Variants in ZC3H12B observed in about 807,000 individuals in gnomAD.
The protein encoded by ZC3H12B is zinc finger CCCH-type containing 12B.
A neutral mutation model predicts 43.9 loss-of-function variants in ZC3H12B; 7 were observed. That is an observed-to-expected ratio of 0.16 (90% CI 0.09 to 0.30). The LOEUF (loss-of-function observed/expected upper bound fraction) is 0.30, where lower values mean the gene tolerates loss of function less well. Among genes scored for constraint, ZC3H12B ranks in the 10% least tolerant of loss-of-function variants. The probability of loss-of-function intolerance (pLI) is 1.00; values close to 1 mark genes in which losing one functional copy is unlikely to be tolerated. For missense variants in ZC3H12B, 475 were observed against 670.2 expected (o/e 0.71, Z 3.22); for synonymous variants, 222 against 241.7 (o/e 0.92, Z 0.76).
chrX:65,185,484 CTA>C, the ZC3H12B span: 1 of 111,923 alleles, frequency 8.9e-6, no homozygotes, highest in East Asian at 2.8e-4. Flanking sequence ...ACAGTATTTC[CTA>C]TGTCTCTTTA....
the ZC3H12B span, among the ~76,000 whole-genome samples, chrX:65,144,914 C>T: frequency 9.0e-6 from 1 of 111,589 alleles, no homozygotes; most frequent in East Asian, 2.8e-4. Flanking sequence ...GAGAAAGTTC[C>T]ATGCGCTGTT....
intron 2 of ZC3H12B, among the ~76,000 whole-genome samples, chrX:65,388,209 TCTC>T (rs1170316639): frequency 3.6e-5 from 4 of 112,161 alleles, no homozygotes; most frequent in Admixed American, 9.4e-5. Context: ...TTGGGGAACT[TCTC>T]CTGGATAATA....
At chrX:65,448,997 G>GAAAGAAAGAAAGA (rs1179244017) in intron 3 of ZC3H12B, among the ~76,000 whole-genome samples, 2 of 3,339 alleles carry the variant, frequency 6.0e-4, no homozygotes, top group Non-Finnish European at 1.1e-3. Flanking sequence ...AAGAAAGAGA[G>GAAAGAAAGAAAGA]GAAAGAAAGA....
chrX:65,120,822 C>T, the ZC3H12B span, among the ~76,000 whole-genome samples: 1 of 111,480 alleles, frequency 9.0e-6, no homozygotes, highest in Non-Finnish European at 1.9e-5. Flanking sequence ...AGATACGTCT[C>T]ATCAATACCA....
chrX:65,215,411 G>T, the ZC3H12B span, among the ~76,000 whole-genome samples: 1 of 111,429 alleles, frequency 9.0e-6, no homozygotes, highest in Non-Finnish European at 1.9e-5. Context: ...CCATTAGCAT[G>T]TGCTGCTTTA....
At chrX:65,117,368 T>C in the ZC3H12B span, among the ~76,000 whole-genome samples, 6 of 112,037 alleles carry the variant, frequency 5.4e-5, no homozygotes, top group African/African-American at 1.6e-4. Context: ...CTTTTGAGAA[T>C]TGTCTGTTCA....
the ZC3H12B span, among the ~76,000 whole-genome samples, chrX:65,210,820 C>CA: frequency 6.0e-5 from 2 of 33,212 alleles, no homozygotes; most frequent in Non-Finnish European, 9.9e-5. Flanking sequence ...ATCGCAAGAA[C>CA]AAAAAACCAA....
chrX:65,408,188 C>A, intron 3 of ZC3H12B: 7 of 1,201,033 alleles, frequency 5.8e-6, no homozygotes, highest in Non-Finnish European at 7.9e-6. Context: ...ATTCCAGTTC[C>A]TGCAGGCGCA....
chrX:65,150,299 C>T, the ZC3H12B span, among the ~76,000 whole-genome samples: 1 of 111,143 alleles, frequency 9.0e-6, no homozygotes, highest in African/African-American at 3.3e-5. Context: ...ATTTTTTCAG[C>T]ACCTACATCA....
At chrX:65,226,195 G>C in the ZC3H12B span, among the ~76,000 whole-genome samples, 1 of 111,924 alleles carries the variant, frequency 8.9e-6, no homozygotes, top group African/African-American at 3.2e-5. Flanking sequence ...AAATCTACAA[G>C]CCAGAAGAGA....
At chrX:65,312,177 G>A in the ZC3H12B span, among the ~76,000 whole-genome samples, 1 of 111,931 alleles carries the variant, frequency 8.9e-6, no homozygotes, top group Non-Finnish European at 1.9e-5. Context: ...CTGGCATATT[G>A]GAGAGTGAAA....
the ZC3H12B span, among the ~76,000 whole-genome samples, chrX:65,173,837 G>C: frequency 9.0e-6 from 1 of 111,547 alleles, no homozygotes; most frequent in Non-Finnish European, 1.9e-5. Flanking sequence ...TTTTTGCATT[G>C]ACGTTCATCA....
At chrX:65,309,682 A>G in the ZC3H12B span, among the ~76,000 whole-genome samples, 1 of 112,160 alleles carries the variant, frequency 8.9e-6, no homozygotes, top group South Asian at 3.7e-4. Flanking sequence ...CCTAGCAGAG[A>G]CACAACGAAA....
the ZC3H12B span, among the ~76,000 whole-genome samples, chrX:65,070,816 G>GTTTTTTT: frequency 3.4e-3 from 190 of 55,613 alleles, no homozygotes; most frequent in Non-Finnish European, 3.9e-3. Context: ...TATGATTTCT[G>GTTTTTTT]TTTTTTTTTT....
the ZC3H12B span, among the ~76,000 whole-genome samples, chrX:65,341,422 G>A: frequency 9.0e-6 from 1 of 111,219 alleles, no homozygotes; most frequent in South Asian, 3.8e-4. Flanking sequence ...ATTTTCCAAG[G>A]TCAAAATGAA....
chrX:65,477,480 T>C (rs1297814667), intron 3 of ZC3H12B, among the ~76,000 whole-genome samples: 2 of 111,611 alleles, frequency 1.8e-5, no homozygotes, highest in African/African-American at 6.5e-5. Flanking sequence ...CAAAATTTGA[T>C]GGAAAACTTT....
the ZC3H12B span, among the ~76,000 whole-genome samples, chrX:65,045,907 C>T: frequency 8.9e-6 from 1 of 111,744 alleles, no homozygotes; most frequent in African/African-American, 3.2e-5. Context: ...TCTCTTTGTA[C>T]ACATCCATCA....
At chrX:65,197,429 T>C in the ZC3H12B span, among the ~76,000 whole-genome samples, 1 of 112,108 alleles carries the variant, frequency 8.9e-6, no homozygotes, top group Non-Finnish European at 1.9e-5. Context: ...AAAGACCTCT[T>C]TCTAATAATG....
At chrX:65,160,546 C>T in the ZC3H12B span, among the ~76,000 whole-genome samples, 24 of 111,535 alleles carry the variant, frequency 2.2e-4, no homozygotes, top group African/African-American at 5.2e-4. Context: ...AGTTTATTTG[C>T]GTAGAGGTGT....
Sources: gnomAD v4.1 joint callset for allele counts (sites outside exome capture counted in the v4.1 genomes callset) on GRCh38, gnomAD v4.1.1 for gene constraint, MANE v1.5 for transcripts, NCBI Gene and HGNC (gene_info 2026-07-23, HGNC 2026-07-21) for gene names.